Variants in PCDH11X observed in about 807,000 individuals in gnomAD.
PCDH11X encodes the protein protocadherin-11 X-linked.
A neutral mutation model predicts 53.3 loss-of-function variants in PCDH11X; 18 were observed. The ratio of observed to expected loss-of-function variants is 0.34; its 90% CI spans 0.23 to 0.50. The LOEUF (loss-of-function observed/expected upper bound fraction) is 0.50. Ranked by LOEUF, PCDH11X falls within the 20% of genes least tolerant of loss-of-function variation. The pLI, the probability that PCDH11X is intolerant of heterozygous loss-of-function variation, is 0.98. For missense variants in PCDH11X, 570 were observed against 1,032.4 expected (o/e 0.55, Z 6.14); for synonymous variants, 279 against 393.3 (o/e 0.71, Z 3.44).
chrX:92,553,422 C>T (rs1186744000), intron 10 of PCDH11X, among the ~76,000 whole-genome samples: 2 of 109,924 alleles, frequency 1.8e-5, no homozygotes, highest in East Asian at 2.8e-4. Flanking sequence ...TCAGTTGTAG[C>T]GTCTCCTTTA....
At chrX:91,834,268 A>C (rs1281002924) in intron 4 of PCDH11X, among the ~76,000 whole-genome samples, 2 of 111,496 alleles carry the variant, frequency 1.8e-5, no homozygotes, top group Non-Finnish European at 3.8e-5. Flanking sequence ...TACGAAAGGA[A>C]ACTGAAGATA....
At chrX:92,388,030 T>C in intron 9 of PCDH11X, 97 bp downstream of exon 9, 1 of 1,156,586 alleles carries the variant, frequency 8.6e-7, no homozygotes, top group South Asian at 1.9e-5. Context: ...ATTCATTATG[T>C]TATTGTGAAT....
chrX:92,445,902 A>G (rs2072631521), intron 9 of PCDH11X, among the ~76,000 whole-genome samples: 1 of 111,257 alleles, frequency 9.0e-6, no homozygotes, highest in South Asian at 3.8e-4. Flanking sequence ...CAGATTTGGA[A>G]TGAAAAAGCA....
At chrX:92,060,743 G>A (rs144273887) in intron 6 of PCDH11X, among the ~76,000 whole-genome samples, 2,054 of 111,175 alleles carry the variant, frequency 0.018, 52 homozygotes, top group African/African-American at 0.064. Context: ...TGGGCATTTA[G>A]GTTGGTTCCA....
At chrX:92,573,195 G>A (rs1922403531) in intron 10 of PCDH11X, among the ~76,000 whole-genome samples, 1 of 111,074 alleles carries the variant, frequency 9.0e-6, no homozygotes, top group South Asian at 3.8e-4. Context: ...ACTTGGGGAG[G>A]TGACTTTACT....
chrX:91,837,678 A>G (rs1937353011), intron 5 of PCDH11X, among the ~76,000 whole-genome samples: 1 of 111,542 alleles, frequency 9.0e-6, no homozygotes, highest in South Asian at 3.7e-4. Context: ...ATGCTTTAAG[A>G]CATTTAAGTA....
At chrX:92,253,308 T>C (rs2067496862) in intron 7 of PCDH11X, among the ~76,000 whole-genome samples, 1 of 111,982 alleles carries the variant, frequency 8.9e-6, no homozygotes, top group African/African-American at 3.2e-5. Flanking sequence ...TATGTGTCTG[T>C]TTTTATGCCA....
chrX:92,120,801 T>G (rs2064746281), intron 6 of PCDH11X, among the ~76,000 whole-genome samples: 1 of 111,870 alleles, frequency 8.9e-6, no homozygotes, highest in Admixed American at 9.5e-5. Context: ...TTCTCAGGCA[T>G]AAATGATTTA....
At chrX:92,160,656 T>TA (rs2065626060) in intron 6 of PCDH11X, among the ~76,000 whole-genome samples, 2 of 107,991 alleles carry the variant, frequency 1.9e-5, no homozygotes, top group African/African-American at 3.4e-5. Flanking sequence ...TTTTTTTTTT[T>TA]TATAATGACT....
intron 6 of PCDH11X, among the ~76,000 whole-genome samples, chrX:92,135,063 A>G (rs2065061691): frequency 2.7e-5 from 3 of 109,931 alleles, no homozygotes; most frequent in Admixed American, 9.9e-5. Context: ...CTATTTCTAG[A>G]TATTACAAAT....
chrX:92,026,214 AAAG>A (rs2062967290), intron 6 of PCDH11X, among the ~76,000 whole-genome samples: 1 of 110,835 alleles, frequency 9.0e-6, no homozygotes, highest in South Asian at 3.9e-4. Flanking sequence ...GAAAAAATCA[AAAG>A]AAGGACAATG....
At chrX:92,207,680 C>T (rs1410840918) in intron 7 of PCDH11X, among the ~76,000 whole-genome samples, 5 of 111,620 alleles carry the variant, frequency 4.5e-5, no homozygotes, top group Non-Finnish European at 3.8e-5. Context: ...CACTAGACAA[C>T]TGCTGTAGAA....
At chrX:91,955,711 T>G (rs1317052224) in intron 6 of PCDH11X, among the ~76,000 whole-genome samples, 1 of 112,261 alleles carries the variant, frequency 8.9e-6, no homozygotes, top group Admixed American at 9.5e-5. Flanking sequence ...AAGTGCCATG[T>G]GGCAACGAGA....
At chrX:92,334,243 G>T (rs1264781933) in intron 8 of PCDH11X, among the ~76,000 whole-genome samples, 1 of 111,268 alleles carries the variant, frequency 9.0e-6, no homozygotes, top group African/African-American at 3.3e-5. Context: ...AACTTTACAC[G>T]CAGAAACACA....
chrX:92,506,449 G>A (rs749879634), intron 10 of PCDH11X, among the ~76,000 whole-genome samples: 3 of 99,736 alleles, frequency 3.0e-5, no homozygotes, highest in East Asian at 3.2e-4. Context: ...TAATATGAAG[G>A]GATGTTTAAT....
At chrX:92,354,686 T>C (rs780200022) in intron 8 of PCDH11X, among the ~76,000 whole-genome samples, 67 of 111,761 alleles carry the variant, frequency 6.0e-4, no homozygotes, top group African/African-American at 2.1e-3. Flanking sequence ...AAGAATTCAA[T>C]GTAGGATTTT....
chrX:91,824,193 C>G (rs1315976518), intron 4 of PCDH11X, among the ~76,000 whole-genome samples: 2 of 110,983 alleles, frequency 1.8e-5, no homozygotes, highest in Admixed American at 9.6e-5. Flanking sequence ...GTGGCGTTCT[C>G]TGTATTTCCT....
intron 6 of PCDH11X, among the ~76,000 whole-genome samples, chrX:92,147,855 T>C (rs200664183): frequency 0.13 from 2,935 of 22,197 alleles, 219 homozygotes; most frequent in African/African-American, 0.22. Context: ...TTCTTTCTTT[T>C]TTCTTTTCTC....
At chrX:91,834,949 G>A in intron 4 of PCDH11X, 1 of 765,600 alleles carries the variant, frequency 1.3e-6, no homozygotes, top group Middle Eastern at 7.5e-4. Flanking sequence ...ATGATTCCTT[G>A]CCTCGTTTTA....
Sources: allele counts gnomAD v4.1 joint callset (sites outside exome capture counted in the v4.1 genomes callset), GRCh38; gene constraint gnomAD v4.1.1; transcripts MANE v1.5; gene names NCBI Gene and HGNC (gene_info 2026-07-23, HGNC 2026-07-21).